Variants in ASAP1 observed in about 807,000 individuals in gnomAD.
ASAP1 encodes arf-GAP with SH3 domain, ANK repeat and PH domain-containing protein 1.
Under a neutral mutation model 145.2 loss-of-function variants are expected in ASAP1, and 43 were observed. The observed-to-expected ratio is 0.30, with a 90% CI of 0.23 to 0.38. The LOEUF (loss-of-function observed/expected upper bound fraction) is 0.38, where lower values mean the gene tolerates loss of function less well. Ranked by LOEUF, ASAP1 falls within the 10% of genes least tolerant of loss-of-function variation. The pLI is 1.00. For missense variants in ASAP1, 1,018 were observed against 1,355.3 expected (o/e 0.75, Z 3.91); for synonymous variants, 546 against 515.5 (o/e 1.06, Z -0.80).
chr8:130,424,362 A>C (rs572816679), intron 1 of ASAP1, among the ~76,000 whole-genome samples: 13 of 152,298 alleles, frequency 8.5e-5, no homozygotes, highest in African/African-American at 2.9e-4. Context: ...CTCCTGATGC[A>C]ATTATCCACA....
intron 9 of ASAP1, among the ~76,000 whole-genome samples, chr8:130,170,488 A>C (rs974076475): frequency 1.4e-4 from 22 of 152,114 alleles, no homozygotes; most frequent in Admixed American, 6.6e-5. Context: ...TTTTAAGCTT[A>C]ATATGTATAT....
At chr8:130,340,772 G>A in intron 3 of ASAP1, 1 of 390,820 alleles carries the variant, frequency 2.6e-6, no homozygotes, top group South Asian at 1.8e-5. Context: ...ACTCTGCAAA[G>A]CTATTTTAAG....
At chr8:130,112,453 CA>C (rs1427940837) in intron 23 of ASAP1, 131 bp from the exon 24 acceptor site, 1 of 661,054 alleles carries the variant, frequency 1.5e-6, no homozygotes, top group Non-Finnish European at 2.6e-6. Flanking sequence ...AGGTCAGCCA[CA>C]ATGAGCCTCA....
chr8:130,250,699 T>C (rs1252644000), intron 3 of ASAP1, among the ~76,000 whole-genome samples: 1 of 151,978 alleles, frequency 6.6e-6, no homozygotes, highest in East Asian at 1.9e-4. Flanking sequence ...GGGCTATACA[T>C]TTGCATAAAG....
chr8:130,361,728 C>A (rs768601300), intron 2 of ASAP1: 3 of 1,535,780 alleles, frequency 2.0e-6, no homozygotes, highest in Non-Finnish European at 2.6e-6. Context: ...AAACCATCTG[C>A]ACCTCTCATT....
At chr8:130,185,144 T>C (rs1388723662) in intron 7 of ASAP1, among the ~76,000 whole-genome samples, 4 of 152,234 alleles carry the variant, frequency 2.6e-5, no homozygotes, top group South Asian at 4.1e-4. Context: ...ATGCTTGTTT[T>C]CTTTCTTTCC....
intron 3 of ASAP1, among the ~76,000 whole-genome samples, chr8:130,293,666 G>T (rs1381725227): frequency 6.6e-6 from 1 of 152,086 alleles, no homozygotes; most frequent in Admixed American, 6.6e-5. Flanking sequence ...AGCCTCAAGG[G>T]TCACCATCTA....
chr8:130,186,045 C>T (rs1461004122), intron 7 of ASAP1, among the ~76,000 whole-genome samples: 1 of 151,484 alleles, frequency 6.6e-6, no homozygotes, highest in Non-Finnish European at 1.5e-5. Flanking sequence ...TTTTTTCTTC[C>T]CCCTTTGTCC....
intron 3 of ASAP1, among the ~76,000 whole-genome samples, chr8:130,349,532 G>A (rs1825878364): frequency 6.6e-6 from 1 of 152,178 alleles, no homozygotes; most frequent in Non-Finnish European, 1.5e-5. Context: ...GAGGAAAGTA[G>A]GACACAGTAA....
At chr8:130,326,127 G>T (rs1824311713) in intron 3 of ASAP1, among the ~76,000 whole-genome samples, 1 of 152,184 alleles carries the variant, frequency 6.6e-6, no homozygotes, top group Non-Finnish European at 1.5e-5. Flanking sequence ...CTGGAAATCA[G>T]AGAAGGCTTT....
At chr8:130,372,302 G>A (rs1479379002) in intron 2 of ASAP1, among the ~76,000 whole-genome samples, 1 of 152,074 alleles carries the variant, frequency 6.6e-6, no homozygotes, top group Non-Finnish European at 1.5e-5. Flanking sequence ...TTCCACACAG[G>A]AAGGAAGATG....
intron 23 of ASAP1, among the ~76,000 whole-genome samples, chr8:130,114,458 C>G (rs185462623): frequency 1.6e-4 from 25 of 152,266 alleles, no homozygotes; most frequent in Admixed American, 1.5e-3. Flanking sequence ...ATAAATGGAG[C>G]TGGAAGGACT....
At chr8:130,139,501 G>A (rs545579400) in intron 13 of ASAP1, among the ~76,000 whole-genome samples, 79 of 152,274 alleles carry the variant, frequency 5.2e-4, no homozygotes, top group African/African-American at 1.7e-3. Context: ...TGAGGCAGGC[G>A]GATCACCTGA....
chr8:130,268,531 AC>A (rs1565155019), intron 3 of ASAP1, among the ~76,000 whole-genome samples: 60 of 149,712 alleles, frequency 4.0e-4, no homozygotes, highest in African/African-American at 1.5e-3. Flanking sequence ...ACACACACAC[AC>A]ACAACTGTGT....
intron 3 of ASAP1, among the ~76,000 whole-genome samples, chr8:130,240,844 T>A (rs887065574): frequency 2.6e-5 from 4 of 152,116 alleles, no homozygotes; most frequent in Non-Finnish European, 5.9e-5. Flanking sequence ...CCTAACAAGT[T>A]TTGTCATTTG....
At chr8:130,436,790 G>A (rs1349105539) in intron 1 of ASAP1, among the ~76,000 whole-genome samples, 1 of 152,094 alleles carries the variant, frequency 6.6e-6, no homozygotes, top group East Asian at 1.9e-4. Context: ...AACACAGCAA[G>A]ATCCTATCAC....
At chr8:130,073,513 T>C (rs1019225718) in intron 27 of ASAP1, among the ~76,000 whole-genome samples, 2 of 151,968 alleles carry the variant, frequency 1.3e-5, no homozygotes, top group Non-Finnish European at 1.5e-5. Context: ...GACCACGGCC[T>C]GTGGTGCTCA....
At chr8:130,271,626 G>A (rs1270520211) in intron 3 of ASAP1, among the ~76,000 whole-genome samples, 1 of 152,118 alleles carries the variant, frequency 6.6e-6, no homozygotes, top group Non-Finnish European at 1.5e-5. Flanking sequence ...TCTTTTAGGA[G>A]TATGATACAA....
At chr8:130,369,495 T>C (rs145040028) in intron 2 of ASAP1, among the ~76,000 whole-genome samples, 710 of 152,308 alleles carry the variant, frequency 4.7e-3, no homozygotes, top group Non-Finnish European at 6.4e-3. Flanking sequence ...AGGCCTAGTA[T>C]TCAAAATATA....
Sources: allele counts gnomAD v4.1 joint callset (sites outside exome capture counted in the v4.1 genomes callset), GRCh38; gene constraint gnomAD v4.1.1; transcripts MANE v1.5; gene names NCBI Gene and HGNC (gene_info 2026-07-23, HGNC 2026-07-21).